KIF3C: variants seen among roughly 807,000 people sequenced by gnomAD.
KIF3C encodes kinesin-like protein KIF3C.
KIF3C carries 12 observed loss-of-function variants against 67.7 expected under a neutral mutation model. The ratio of observed to expected loss-of-function variants is 0.18; its 90% confidence interval spans 0.11 to 0.29. The LOEUF (loss-of-function observed/expected upper bound fraction) is 0.29. Ranked by LOEUF, KIF3C falls within the 10% of genes least tolerant of loss-of-function variation. The pLI is 1.00. For synonymous variants in KIF3C, 393 were observed against 426.2 expected (o/e 0.92, Z 0.96); for missense variants, 789 against 1,059.6 (o/e 0.74, Z 3.55).
chr2:25,941,950 T>C (rs1017632191), intron 5 of KIF3C, among the ~76,000 whole-genome samples: 24 of 152,014 alleles, frequency 1.6e-4, no homozygotes, highest in African/African-American at 4.6e-4. Flanking sequence ...GGTGGGAGGA[T>C]TGCTTGAGCC....
intron 5 of KIF3C, among the ~76,000 whole-genome samples, chr2:25,939,491 G>A (rs993371400): frequency 6.6e-6 from 1 of 152,142 alleles, no homozygotes; most frequent in African/African-American, 2.4e-5. Context: ...AGCTGCAACT[G>A]CTCCCTGCTT....
In KIF3C at chr2:25,980,015, CTG is replaced by C. The variant is rs982440811; in HGVS notation, c.1545+356_1545+357del. On this transcript the variant is annotated intron_variant, in intron 1 of 7. Coordinates refer to ENST00000264712, the MANE Select transcript of KIF3C (RefSeq NM_002254.8). The surrounding 1 kb of genome is among the most constrained non-coding windows in gnomAD (Gnocchi z 7.6). ...AGGGAGGAAGCCTCAGGGGAGGAGG[CTG>C]TGAAGGAACAAGAACCCACATTCAC... Among the ~76,000 whole-genome samples, 1 of 152,190 alleles carries C rather than the reference CTG, an allele frequency of 6.6e-6. No homozygotes were observed. Among genetic ancestry groups the C allele is most frequent in the African/African-American group, 2.4e-5 (1 of 41,436 alleles).
intron 5 of KIF3C, chr2:25,951,580 GAC>G (rs1338673352): frequency 3.1e-5 from 16 of 508,782 alleles, no homozygotes; most frequent in Non-Finnish European, 7.1e-6. Context: ...AGGCCAATGA[GAC>G]ACTTTTTTTC....
At chr2:25,963,176 A>G (rs192037741) in intron 1 of KIF3C, among the ~76,000 whole-genome samples, 5,012 of 35,400 alleles carry the variant, frequency 0.14, 295 homozygotes, top group African/African-American at 0.25. Flanking sequence ...GTGTGTGTGT[A>G]TATATATATA....
At chr2:25,967,915 A>G (rs1319056456) in intron 1 of KIF3C, among the ~76,000 whole-genome samples, 2 of 152,180 alleles carry the variant, frequency 1.3e-5, no homozygotes, top group Non-Finnish European at 2.9e-5. Flanking sequence ...GTGATAAATT[A>G]CACCCAAATG....
At chr2:25,975,730 G>A (rs144874265) in intron 1 of KIF3C, among the ~76,000 whole-genome samples, 7 of 152,134 alleles carry the variant, frequency 4.6e-5, no homozygotes, top group African/African-American at 1.2e-4. Context: ...AGGCTGAGGC[G>A]GGTGGATCAT....
chr2:25,969,724 GT>G (rs112949241), intron 1 of KIF3C, among the ~76,000 whole-genome samples: 6,997 of 95,210 alleles, frequency 0.073, 328 homozygotes, highest in African/African-American at 0.21. Context: ...TTGGGTTTTT[GT>G]TTTTTTTTTT....
intron 1 of KIF3C, among the ~76,000 whole-genome samples, chr2:25,974,464 G>T (rs1488918673): frequency 6.6e-6 from 1 of 152,076 alleles, no homozygotes. Flanking sequence ...GTCTCCCAAA[G>T]TGCTGGGATT....
intron 1 of KIF3C, among the ~76,000 whole-genome samples, chr2:25,973,877 T>C (rs767014936): frequency 2.0e-5 from 3 of 152,134 alleles, no homozygotes; most frequent in South Asian, 2.1e-4. Context: ...GCAGGCAAGA[T>C]AGAAGAGATG....
At chr2:25,939,701 C>G (rs1218190322) in intron 5 of KIF3C, among the ~76,000 whole-genome samples, 2 of 152,010 alleles carry the variant, frequency 1.3e-5, no homozygotes, top group Non-Finnish European at 2.9e-5. Flanking sequence ...CCTGTAAGCC[C>G]AGCACTTTTG....
chr2:25,929,560 G>C, intron 6 of KIF3C, 83 bp from the exon 7 acceptor site: 1 of 1,192,354 alleles, frequency 8.4e-7, no homozygotes, highest in Non-Finnish European at 1.2e-6. Context: ...GGGTGTAGCA[G>C]GGCTGATGAG....
chr2:25,973,380 C>G (rs1664328496), intron 1 of KIF3C, among the ~76,000 whole-genome samples: 2 of 151,922 alleles, frequency 1.3e-5, no homozygotes. Context: ...ATGGTGAAAC[C>G]CCATCTCTAC....
chr2:25,950,970 A>G (rs1663594620), intron 5 of KIF3C, among the ~76,000 whole-genome samples: 1 of 152,080 alleles, frequency 6.6e-6, no homozygotes, highest in Non-Finnish European at 1.5e-5. Context: ...CTGATGCTTC[A>G]GTGAGAAGCT....
Position 25,965,488 on chromosome 2 carries a change from T to G in KIF3C, c.1546-9044A>C, listed in dbSNP as rs557996863. On this transcript the variant is annotated intron_variant, in intron 1 of 7. Transcript: ENST00000264712. ...AGAGATCTTGAGCCTTTTCTTTTCT[T>G]TTGAGACACGGGATCTCGCTCTGTT... 8.5e-5 allele frequency among the ~76,000 whole-genome samples: 13 copies of G among 152,142 alleles called. No homozygotes were observed. In the South Asian group the frequency reaches 2.5e-3, roughly 29 times the overall value.
chr2:25,938,117 C>T (rs1263128497), intron 5 of KIF3C: 3 of 292,288 alleles, frequency 1.0e-5, no homozygotes, highest in Non-Finnish European at 2.0e-5. Flanking sequence ...AATCCCAACA[C>T]TTTAGGAGGA....
At chr2:25,973,343 C>T (rs180967963) in intron 1 of KIF3C, among the ~76,000 whole-genome samples, 16 of 152,204 alleles carry the variant, frequency 1.1e-4, no homozygotes, top group African/African-American at 3.9e-4. Flanking sequence ...CACCTGAGGT[C>T]AGGAGCTCAA....
intron 5 of KIF3C, among the ~76,000 whole-genome samples, chr2:25,934,639 T>C (rs1360443693): frequency 2.6e-5 from 4 of 151,992 alleles, no homozygotes; most frequent in African/African-American, 7.2e-5. Context: ...GTTGTATAAC[T>C]CTGAATATAC....
At chr2:25,971,433 C>T (rs1338021262) in intron 1 of KIF3C, among the ~76,000 whole-genome samples, 3 of 148,804 alleles carry the variant, frequency 2.0e-5, no homozygotes, top group Admixed American at 6.7e-5. Flanking sequence ...AGACAGACTA[C>T]ATCTCAAAAA....
intron 1 of KIF3C, among the ~76,000 whole-genome samples, chr2:25,973,860 G>A (rs921075877): frequency 3.3e-5 from 5 of 152,148 alleles, no homozygotes; most frequent in African/African-American, 9.7e-5. Context: ...TGGAGTAACC[G>A]GCTTGGGCAG....
Sources: gnomAD v4.1 joint callset for allele counts (sites outside exome capture counted in the v4.1 genomes callset) on GRCh38, gnomAD v4.1.1 for gene constraint, Gnocchi (gnomAD v3.1) non-coding constraint, MANE v1.5 for transcripts, NCBI Gene and HGNC (gene_info 2026-07-23, HGNC 2026-07-21) for gene names.